TEX26: variants seen among roughly 807,000 people sequenced by gnomAD.
The protein encoded by TEX26 is testis expressed 26, also known as testis-expressed protein 26.
Under a neutral mutation model 35.3 loss-of-function variants are expected in TEX26, and 34 were observed. The observed-to-expected ratio is 0.96, with a 90% CI of 0.73 to 1.28. The LOEUF (loss-of-function observed/expected upper bound fraction) is 1.28, where lower values mean the gene tolerates loss of function less well. Ranked by LOEUF, TEX26 falls within the 50% of genes most tolerant of loss-of-function variation. The pLI is 0.00. For missense variants in TEX26, 371 were observed against 330.1 expected (o/e 1.12, Z -0.96); for synonymous variants, 136 against 111.8 (o/e 1.22, Z -1.36).
rs1398306423 is a variant in TEX26, at chr13:30,969,112, G to C, written c.808+66G>C. 22 of 1,391,904 alleles carry C rather than the reference G, an allele frequency of 1.6e-5. No homozygotes were observed. In the East Asian group the frequency reaches 4.6e-4, roughly 29 times the overall value. 86.2% of individuals were successfully genotyped at this position (1,391,904 alleles called of 1,614,324 possible). On this transcript the variant is annotated intron_variant, in intron 6 of 6. Coordinates refer to ENST00000380473, the MANE Select transcript of TEX26 (RefSeq NM_152325.3). ...ACATTGCTTTTGCCAAATAGAAACT[G>C]TTCCAAGTTCTAGCCACTGGAGTTG...
At chr13:30,971,730 T>G (rs1465849971) in intron 6 of TEX26, among the ~76,000 whole-genome samples, 3 of 152,226 alleles carry the variant, frequency 2.0e-5, no homozygotes, top group African/African-American at 7.2e-5. Context: ...TTTCAAATTG[T>G]TTTAATCTCT....
intron 6 of TEX26, among the ~76,000 whole-genome samples, chr13:30,973,734 T>TTAGAGGG (rs374332760): frequency 1.5e-3 from 225 of 152,266 alleles, no homozygotes; most frequent in Non-Finnish European, 2.6e-3. Context: ...CAGGATAACA[T>TTAGAGGG]GAACATTGAA....
intron 6 of TEX26, chr13:30,973,300 C>T (rs1183983733): frequency 6.6e-6 from 1 of 152,152 alleles, no homozygotes; most frequent in African/African-American, 2.4e-5. Context: ...TGTATGATTT[C>T]ATTTATTTGA....
chr13:30,957,400 G>A (rs1566157697), intron 4 of TEX26, among the ~76,000 whole-genome samples: 5 of 152,260 alleles, frequency 3.3e-5, no homozygotes, highest in African/African-American at 1.2e-4. Context: ...GAGCATCAAG[G>A]GCAAAGGGAG....
At chr13:30,953,719 T>C (rs1444511192) in intron 3 of TEX26, among the ~76,000 whole-genome samples, 1 of 152,208 alleles carries the variant, frequency 6.6e-6, no homozygotes, top group Non-Finnish European at 1.5e-5. Context: ...ATCTCTAAGT[T>C]CCTTCTCCCC....
intron 2 of TEX26, among the ~76,000 whole-genome samples, chr13:30,949,626 A>T (rs1438312726): frequency 6.6e-6 from 1 of 152,060 alleles, no homozygotes; most frequent in Admixed American, 6.5e-5. Context: ...TAACTTATAC[A>T]TTTAGCTACA....
At chr13:30,966,091 G>A in intron 4 of TEX26, 131 bp from the exon 5 acceptor site, 2 of 911,386 alleles carry the variant, frequency 2.2e-6, no homozygotes, top group Non-Finnish European at 3.3e-6. Flanking sequence ...GACTGACAAA[G>A]CAGAAAATTA....
At chr13:30,933,743 G>A (rs1445180078) in intron 1 of TEX26, 10 of 152,128 alleles carry the variant, frequency 6.6e-5, no homozygotes, top group Non-Finnish European at 1.2e-4. Context: ...ACAGAGGAGG[G>A]AGGATCCCCT....
intron 4 of TEX26, among the ~76,000 whole-genome samples, chr13:30,961,167 C>G (rs1475319761): frequency 1.3e-5 from 2 of 152,162 alleles, no homozygotes; most frequent in African/African-American, 4.8e-5. Flanking sequence ...ACTGACCCCT[C>G]TTTTTTTCAA....
chr13:30,949,373 A>C (rs1399517984), intron 2 of TEX26, among the ~76,000 whole-genome samples: 1 of 152,174 alleles, frequency 6.6e-6, no homozygotes, highest in South Asian at 2.1e-4. Flanking sequence ...GGTTTATACC[A>C]TCTTTACCTA....
At chr13:30,968,062 T>A (rs1954598398) in intron 5 of TEX26, among the ~76,000 whole-genome samples, 1 of 152,214 alleles carries the variant, frequency 6.6e-6, no homozygotes, top group African/African-American at 2.4e-5. Flanking sequence ...AAGGGCAAAC[T>A]TCCTCTTTAC....
intron 5 of TEX26, among the ~76,000 whole-genome samples, chr13:30,966,872 G>A (rs1327147073): frequency 6.6e-6 from 1 of 152,200 alleles, no homozygotes; most frequent in Non-Finnish European, 1.5e-5. Context: ...CATGAAATCA[G>A]AACCTTGTCG....
chr13:30,937,802 G>A (rs1361108488), intron 1 of TEX26, among the ~76,000 whole-genome samples: 2 of 152,084 alleles, frequency 1.3e-5, no homozygotes, highest in African/African-American at 2.4e-5. Flanking sequence ...CTTCAGCCAG[G>A]GTTAAGGGCA....
At chr13:30,956,439 G>A (rs1459167020) in intron 3 of TEX26, among the ~76,000 whole-genome samples, 1 of 152,098 alleles carries the variant, frequency 6.6e-6, no homozygotes, top group Non-Finnish European at 1.5e-5. Context: ...GAGGTGACAA[G>A]AGAGTGCTGG....
intron 1 of TEX26, among the ~76,000 whole-genome samples, chr13:30,936,140 A>G (rs1953265090): frequency 6.6e-6 from 1 of 152,252 alleles, no homozygotes; most frequent in South Asian, 2.1e-4. Flanking sequence ...AGCAACTTAC[A>G]TATATCAATA....
chr13:30,956,096 T>C (rs1954116011), intron 3 of TEX26, among the ~76,000 whole-genome samples: 2 of 152,046 alleles, frequency 1.3e-5, no homozygotes, highest in African/African-American at 4.8e-5. Context: ...ACATGTGCCA[T>C]GTTGGTGTGC....
intron 2 of TEX26, among the ~76,000 whole-genome samples, chr13:30,942,460 CTGTGGGT>C (rs1226836037): frequency 1.3e-5 from 2 of 152,078 alleles, no homozygotes; most frequent in East Asian, 3.9e-4. Flanking sequence ...TTCTCCTATT[CTGTGGGT>C]TGTCTGATTA....
intron 2 of TEX26, among the ~76,000 whole-genome samples, chr13:30,949,697 G>T (rs1199152690): frequency 6.6e-6 from 1 of 151,898 alleles, no homozygotes; most frequent in East Asian, 1.9e-4. Context: ...TGTATAAGTT[G>T]TTTGTGAAGT....
intron 4 of TEX26, among the ~76,000 whole-genome samples, chr13:30,958,070 C>G (rs930553649): frequency 6.6e-6 from 1 of 152,194 alleles, no homozygotes; most frequent in Non-Finnish European, 1.5e-5. Context: ...GATGGGAACT[C>G]TGCTATGCAG....
Sources: allele counts gnomAD v4.1 joint callset (sites outside exome capture counted in the v4.1 genomes callset), GRCh38; gene constraint gnomAD v4.1.1; transcripts MANE v1.5; gene names NCBI Gene and HGNC (gene_info 2026-07-23, HGNC 2026-07-21).